MAST4: variants seen among roughly 807,000 people sequenced by gnomAD.
The protein encoded by MAST4 is microtubule associated serine/threonine kinase family member 4, also known as microtubule-associated serine/threonine-protein kinase 4.
MAST4 carries 89 observed loss-of-function variants against 162.7 expected under a neutral mutation model. The ratio of observed to expected loss-of-function variants is 0.55; its 90% confidence interval spans 0.46 to 0.65. The LOEUF (loss-of-function observed/expected upper bound fraction) is 0.65. MAST4 is among the 30% of genes least tolerant of loss of function. The pLI, the probability that MAST4 is intolerant of heterozygous loss-of-function variation, is 0.00. For synonymous variants in MAST4, 1,479 were observed against 1,361.1 expected (o/e 1.09, Z -1.91); for missense variants, 3,153 against 3,374.0 (o/e 0.93, Z 1.62).
intron 12 of MAST4, among the ~76,000 whole-genome samples, chr5:67,118,271 AC>A (rs992381685): frequency 3.9e-5 from 6 of 152,220 alleles, no homozygotes; most frequent in African/African-American, 1.4e-4. Context: ...CGAGATATGC[AC>A]CACAACTTAA....
intron 4 of MAST4, among the ~76,000 whole-genome samples, chr5:66,975,196 T>C (rs544558283): frequency 1.3e-5 from 2 of 152,214 alleles, no homozygotes; most frequent in Non-Finnish European, 2.9e-5. Context: ...CCTATTGACA[T>C]CTTGATTTCA....
chr5:66,919,207 G>A (rs1297049099), intron 4 of MAST4, among the ~76,000 whole-genome samples: 1 of 151,612 alleles, frequency 6.6e-6, no homozygotes, highest in Non-Finnish European at 1.5e-5. Context: ...TTTCTTGCAT[G>A]TATATGAATA....
At chr5:66,980,157 T>C (rs1441956268) in intron 4 of MAST4, among the ~76,000 whole-genome samples, 1 of 152,208 alleles carries the variant, frequency 6.6e-6, no homozygotes, top group African/African-American at 2.4e-5. Context: ...TTACTGTCTC[T>C]TGCGGTGGCT....
chr5:66,890,161 A>G (rs1029122875), intron 3 of MAST4, among the ~76,000 whole-genome samples: 3 of 152,254 alleles, frequency 2.0e-5, no homozygotes, highest in Non-Finnish European at 2.9e-5. Context: ...CAAAGTGAGC[A>G]CACAAAGTAC....
Position 67,163,420 on chromosome 5 carries a change from C to G in MAST4, c.4241C>G (p.Pro1414Arg). The G allele has an allele frequency of 6.2e-7, 1 of 1,613,148 alleles. No homozygotes were observed. Among genetic ancestry groups the G allele is most frequent in the Non-Finnish European group, 8.5e-7 (1 of 1,179,890 alleles). Residue 1414 changes from proline (P) to arginine (R), a missense_variant, in exon 29 of 29, where the codon CCC becomes CGC. Pro to Arg is a moderately radical substitution (Grantham distance 103). Transcript: ENST00000403625. This position sits in a 1 kb window ranked among gnomAD's most constrained non-coding sequence, Gnocchi z 7.0. The part of the protein sequence containing the change: ...LGNSKIAQAF[P>R]SKMHSPPTIV... ...AATTCCAAGATCGCGCAAGCCTTTC[C>G]CAGCAAGATGCACTCCCCGCCCACC...
intron 4 of MAST4, among the ~76,000 whole-genome samples, chr5:67,013,865 A>G (rs1752975870): frequency 6.6e-6 from 1 of 152,212 alleles, no homozygotes; most frequent in Non-Finnish European, 1.5e-5. Context: ...AATATGGTAA[A>G]TGAAGCCTTT....
chr5:66,951,870 T>A (rs1561473469), intron 4 of MAST4, among the ~76,000 whole-genome samples: 1 of 152,098 alleles, frequency 6.6e-6, no homozygotes, highest in Non-Finnish European at 1.5e-5. Flanking sequence ...TCTCAAAGCC[T>A]CTTCCTGGAC....
intron 1 of MAST4, among the ~76,000 whole-genome samples, chr5:66,721,992 C>T (rs1751240248): frequency 6.6e-6 from 1 of 152,038 alleles, no homozygotes; most frequent in African/African-American, 2.4e-5. Context: ...CTAAAAGCAA[C>T]CATTTCTCAT....
chr5:66,866,219 T>C (rs1760511321), intron 3 of MAST4, among the ~76,000 whole-genome samples: 1 of 152,206 alleles, frequency 6.6e-6, no homozygotes, highest in Admixed American at 6.5e-5. Flanking sequence ...ATTTCAGCGA[T>C]GGGGAGATCC....
intron 4 of MAST4, chr5:66,959,353 G>A (rs1561480645): frequency 2.6e-6 from 2 of 777,604 alleles, no homozygotes; most frequent in East Asian, 2.4e-5. Flanking sequence ...GCTTTCTGGC[G>A]ACCAATAGCT....
At position 67,130,242 on chromosome 5, in the gene MAST4, G is replaced by A. The variant is rs367963786; in HGVS notation, c.1778G>A (p.Arg593Gln). The A allele has an allele frequency of 7.4e-6, 12 of 1,613,226 alleles. No homozygotes were observed. Among genetic ancestry groups the A allele is most frequent in the African/African-American group, 2.7e-5 (2 of 74,848 alleles). Residue 593 changes from arginine to glutamine, a missense_variant, in exon 15 of 29, where the codon CGG becomes CAG. Physicochemically the swap from Arg to Gln is conservative, Grantham distance 43. Transcript: ENST00000403625. ...AVYFVRHKESRQRFAMKKINK... is the reference protein window; with the variant it reads ...AVYFVRHKESQQRFAMKKINK... ...TACTTTGTTCGGCATAAAGAATCCC[G>A]GCAGAGGTTTGCCATGAAGAAGATT...
intron 3 of MAST4, among the ~76,000 whole-genome samples, chr5:66,849,036 GA>G (rs1759104508): frequency 6.6e-6 from 1 of 152,164 alleles, no homozygotes; most frequent in Non-Finnish European, 1.5e-5. Context: ...AAACCTGTTG[GA>G]CTCAGTGAAA....
chr5:66,688,722 C>T (rs1391393907), intron 1 of MAST4, among the ~76,000 whole-genome samples: 1 of 152,006 alleles, frequency 6.6e-6, no homozygotes, highest in Non-Finnish European at 1.5e-5. Context: ...AAAATGATTC[C>T]CATTCTAGTT....
chr5:67,095,622 G>C lies in MAST4; in HGVS notation c.859G>C (p.Ala287Pro). 2 of 1,609,614 alleles carry C rather than the reference G, an allele frequency of 1.2e-6. No individual in the cohort carries two copies. Among genetic ancestry groups the C allele is most frequent in the Non-Finnish European group, 1.7e-6 (2 of 1,177,592 alleles). The change falls in exon 7 of 29, where the codon GCT becomes CCT. Residue 287 changes from alanine (A) to proline (P), a missense_variant. By Grantham distance (27) the Ala-to-Pro change is conservative. Around this residue, in one of 7 missense-constraint regions of MAST4, gnomAD observed 360 missense variants for 450.0 expected, o/e 0.80. Coordinates refer to ENST00000403625, the MANE Select transcript of MAST4 (RefSeq NM_001164664.2). ...RRTDGRRWSL[A>P]SLPSSGYGTN... ...GACTGATGGACGCCGCTGGTCGTTG[G>C]CTTCTCTCCCTTCCTCTGGCTATGG...
chr5:66,788,058 A>G (rs749824491), intron 2 of MAST4, among the ~76,000 whole-genome samples: 2 of 152,208 alleles, frequency 1.3e-5, no homozygotes, highest in Non-Finnish European at 2.9e-5. Context: ...TTAGAGTTCA[A>G]GGTTGATGGA....
chr5:66,933,477 A>G (rs990795631), intron 4 of MAST4, among the ~76,000 whole-genome samples: 2 of 152,186 alleles, frequency 1.3e-5, no homozygotes, highest in Non-Finnish European at 2.9e-5. Context: ...CACCTCTTAC[A>G]AACTATTCTT....
At chr5:67,136,739 T>G in intron 19 of MAST4, 75 bp downstream of exon 19, 1 of 1,229,200 alleles carries the variant, frequency 8.1e-7, no homozygotes, top group South Asian at 1.3e-5. Context: ...AAGCTTTTGT[T>G]GTTGTTTTGC....
At chr5:66,819,615 A>G (rs1475261925) in intron 3 of MAST4, among the ~76,000 whole-genome samples, 1 of 152,160 alleles carries the variant, frequency 6.6e-6, no homozygotes, top group African/African-American at 2.4e-5. Flanking sequence ...TCTTTGGTCA[A>G]TCATATTTTA....
At chr5:66,944,969 T>C (rs1743845089) in intron 4 of MAST4, among the ~76,000 whole-genome samples, 1 of 152,174 alleles carries the variant, frequency 6.6e-6, no homozygotes, top group Non-Finnish European at 1.5e-5. Flanking sequence ...TTGGGAGTCA[T>C]ATCCCATCCT....
Sources: gnomAD v4.1 joint callset for allele counts (sites outside exome capture counted in the v4.1 genomes callset) on GRCh38, gnomAD v4.1.1 for gene constraint, gnomAD v4.1.1 regional missense constraint, Gnocchi (gnomAD v3.1) non-coding constraint, MANE v1.5 for transcripts, NCBI Gene and HGNC (gene_info 2026-07-23, HGNC 2026-07-21) for gene names.